GREB1: variants seen among roughly 807,000 people sequenced by gnomAD.
The protein encoded by GREB1 is growth regulating estrogen receptor binding 1, also known as protein GREB1.
GREB1 carries 106 observed loss-of-function variants against 200.7 expected under a neutral mutation model. That is an observed-to-expected ratio of 0.53 (90% CI 0.45 to 0.62). The LOEUF (loss-of-function observed/expected upper bound fraction) is 0.62. Ranked by LOEUF, GREB1 falls within the 20% of genes least tolerant of loss-of-function variation. The pLI is 0.00. For synonymous variants in GREB1, 1,132 were observed against 1,092.4 expected, an observed-to-expected ratio of 1.04 and a Z score of -0.72; for missense variants, 2,243 against 2,556.8, an observed-to-expected ratio of 0.88 and a Z score of 2.65.
intron 4 of GREB1, among the ~76,000 whole-genome samples, chr2:11,574,660 A>C (rs1678659225): frequency 6.6e-6 from 1 of 152,212 alleles, no homozygotes. Flanking sequence ...TGAATGCCAC[A>C]CTTTCTGTAC....
At chr2:11,563,428 G>A (rs1389459053) in intron 3 of GREB1, among the ~76,000 whole-genome samples, 1 of 152,232 alleles carries the variant, frequency 6.6e-6, no homozygotes, top group Non-Finnish European at 1.5e-5. Context: ...TGTGCTGAGA[G>A]CTTGTGCTGT....
In GREB1 at chr2:11,625,168, T is replaced by A. The variant is rs1380936242; in HGVS notation, c.4162T>A (p.Ser1388Thr). 1 of 1,613,778 alleles carries A rather than the reference T, an allele frequency of 6.2e-7. No individual in the cohort carries two copies. Among genetic ancestry groups the A allele is most frequent in the Admixed American group, 1.7e-5 (1 of 60,006 alleles). ...EEININLREE[S>T]DWHYLQLSDP... The stretch of plus-strand genomic sequence containing the variant: ...CAATCTTGTAGACCTCAGAGAAGAA[T>A]CTGACTGGCATTATCTCCAGCTTAG... The change falls in exon 24 of 33, where the codon TCT becomes ACT. Residue 1388 changes from serine (S) to threonine (T), a missense_variant. Around this residue, in one of 3 missense-constraint regions of GREB1, gnomAD observed 587 missense variants for 553.1 expected, o/e 1.06. Coordinates refer to ENST00000381486, the MANE Select transcript of GREB1 (RefSeq NM_014668.4).
upstream of GREB1, among the ~76,000 whole-genome samples, chr2:11,529,570 C>G (rs994949616): frequency 6.6e-6 from 1 of 152,128 alleles, no homozygotes; most frequent in Admixed American, 6.6e-5. Flanking sequence ...GTGTGAGCCC[C>G]CTGGAGTTCC....
intron 1 of GREB1, among the ~76,000 whole-genome samples, chr2:11,510,114 C>G (rs1028333273): frequency 9.9e-5 from 15 of 152,096 alleles, no homozygotes; most frequent in African/African-American, 3.4e-4. Context: ...CTTGGAATTC[C>G]CTACTTACTG....
At chr2:11,504,178 G>A (rs1203257264) in intron 1 of GREB1, among the ~76,000 whole-genome samples, 1 of 152,146 alleles carries the variant, frequency 6.6e-6, no homozygotes, top group African/African-American at 2.4e-5. Flanking sequence ...GTCATGGGTG[G>A]GTGGTGTCCA....
chr2:11,576,811 G>C (rs1451170528), intron 5 of GREB1, among the ~76,000 whole-genome samples: 1 of 152,078 alleles, frequency 6.6e-6, no homozygotes, highest in African/African-American at 2.4e-5. Flanking sequence ...TGAGGTGAGG[G>C]GATCACTTGA....
intron 17 of GREB1, among the ~76,000 whole-genome samples, chr2:11,607,589 T>TAG (rs1558625412): frequency 0.041 from 341 of 8,248 alleles, 3 homozygotes; most frequent in Admixed American, 0.071. Flanking sequence ...TATATACATA[T>TAG]ATACATATAT....
intron 6 of GREB1, among the ~76,000 whole-genome samples, chr2:11,579,002 C>T (rs1679185773): frequency 6.6e-6 from 1 of 152,194 alleles, no homozygotes. Context: ...ATGCTTGGCA[C>T]TTCACCATGT....
chr2:11,612,358 C>A, intron 18 of GREB1, 137 bp from the exon 19 acceptor site: 1 of 1,412,950 alleles, frequency 7.1e-7, no homozygotes, highest in South Asian at 1.5e-5. Flanking sequence ...TATTTGCAGT[C>A]TAAAGAAATT....
At chr2:11,549,746 A>G (rs1236464721) in intron 1 of GREB1, among the ~76,000 whole-genome samples, 1 of 152,046 alleles carries the variant, frequency 6.6e-6, no homozygotes, top group Non-Finnish European at 1.5e-5. Flanking sequence ...TGTTTTGTGG[A>G]TACATCATCC....
intron 1 of GREB1, among the ~76,000 whole-genome samples, chr2:11,535,362 T>G (rs1572606892): frequency 2.6e-5 from 4 of 151,834 alleles, no homozygotes; most frequent in African/African-American, 9.7e-5. Context: ...TTCATCACTG[T>G]GGCTTAAAAT....
intron 1 of GREB1, among the ~76,000 whole-genome samples, chr2:11,544,854 A>C (rs1675111957): frequency 6.6e-6 from 1 of 151,146 alleles, no homozygotes; most frequent in Admixed American, 6.6e-5. Flanking sequence ...TCACTCTGTC[A>C]CCCAGGCTGG....
chr2:11,625,316 A>G lies in GREB1; in HGVS notation c.4306+4A>G, dbSNP rs377004116. 6.2e-7 allele frequency: 1 copy of G among 1,613,852 alleles called. No individual in the cohort carries two copies. Among genetic ancestry groups the G allele is most frequent in the African/African-American group, 1.3e-5 (1 of 74,922 alleles). ...TATCAGGGTATAAAGAGTGAAGGTC[A>G]GACTTTGAATCTCTCGTTTCACCTT... On this transcript the variant is annotated splice_donor_region_variant and intron_variant, in intron 24 of 32. Transcript: ENST00000381486.
At chr2:11,607,312 C>T (rs781280832) in intron 17 of GREB1, among the ~76,000 whole-genome samples, 1 of 151,848 alleles carries the variant, frequency 6.6e-6, no homozygotes, top group African/African-American at 2.4e-5. Flanking sequence ...AAGTGATTCT[C>T]CTGCCTTGGC....
chr2:11,598,908 G>GT, intron 15 of GREB1, 48 bp downstream of exon 15: 1 of 1,475,942 alleles, frequency 6.8e-7, no homozygotes, highest in South Asian at 1.2e-5. Context: ...CTTCTTTGAA[G>GT]TGATGTATGT....
Position 11,578,330 on chromosome 2 carries a change from G to A in GREB1, c.671G>A (p.Cys224Tyr). The change falls in exon 6 of 33, where the codon TGT becomes TAT. Residue 224 changes from cysteine (C) to tyrosine (Y), a missense_variant. This residue lies in a region of GREB1 where 1,178 missense variants were observed against 1,387.4 expected (regional missense o/e 0.85). Coordinates refer to ENST00000381486, the MANE Select transcript of GREB1 (RefSeq NM_014668.4). ...FRSRQIPAST[C>Y]SSSLFPALES... is the part of the protein sequence containing the mutation. ...AGCCGGCAGATCCCCGCCAGTACTTGTTCCAGTTCCCTCTTCCCAGCCCTG... is the reference window on the plus strand; with the variant it reads ...AGCCGGCAGATCCCCGCCAGTACTTATTCCAGTTCCCTCTTCCCAGCCCTG... The A allele has an allele frequency of 4.3e-6, 7 of 1,614,072 alleles. No homozygotes were observed. The highest frequency in any genetic ancestry group is 5.1e-6 in the Non-Finnish European group (6 of 1,179,990).
At position 11,587,572 on chromosome 2, in the gene GREB1, G is replaced by A. The variant is rs112639558; in HGVS notation, c.1160-1174G>A. 2.2e-4 allele frequency: 332 copies of A among 1,510,344 alleles called. 1 individual carries two copies. The African/African-American group carries it at 3.4e-3, about 16-fold the overall frequency. The allele number at this position is 1,510,344 out of a possible 1,614,324, so 93.6% of individuals were successfully genotyped here. On this transcript the variant is annotated intron_variant, in intron 9 of 32. Coordinates refer to ENST00000381486, the MANE Select transcript of GREB1 (RefSeq NM_014668.4). ...CTTGAGAAGCAGTGTCTTTGAGAAC[G>A]TGACCTGTGCCCCAGGCACCAGCTT...
chr2:11,536,238 G>A (rs1674287791), intron 1 of GREB1, among the ~76,000 whole-genome samples: 1 of 152,208 alleles, frequency 6.6e-6, no homozygotes, highest in Non-Finnish European at 1.5e-5. Context: ...AACACAGCAT[G>A]TGCAGAGTCG....
intron 1 of GREB1, among the ~76,000 whole-genome samples, chr2:11,555,828 C>T (rs1440080093): frequency 6.6e-6 from 1 of 152,016 alleles, no homozygotes; most frequent in African/African-American, 2.4e-5. Flanking sequence ...TGTGAATATA[C>T]GAAAAACCAT....
Sources: gnomAD v4.1 joint callset for allele counts (sites outside exome capture counted in the v4.1 genomes callset) on GRCh38, gnomAD v4.1.1 for gene constraint, gnomAD v4.1.1 regional missense constraint, MANE v1.5 for transcripts, NCBI Gene and HGNC (gene_info 2026-07-23, HGNC 2026-07-21) for gene names.